The following UGGT1 variants were observed in gnomAD, a reference collection of about 807,000 sequenced individuals.
UGGT1 encodes UDP-glucose:glycoprotein glucosyltransferase 1.
A neutral mutation model predicts 203.9 loss-of-function variants in UGGT1; 107 were observed. The ratio of observed to expected loss-of-function variants is 0.52; its 90% confidence interval spans 0.45 to 0.62. The LOEUF is 0.62. Ranked by LOEUF, UGGT1 falls within the 20% of genes least tolerant of loss-of-function variation. UGGT1 has a pLI of 0.00. For synonymous variants in UGGT1, 628 were observed against 653.5 expected (o/e 0.96, Z 0.59); for missense variants, 1,673 against 1,867.2 (o/e 0.90, Z 1.92).
chr2:128,160,738 C>T (rs1690485755), intron 24 of UGGT1, 147 bp downstream of exon 24: 5 of 1,223,464 alleles, frequency 4.1e-6, no homozygotes, highest in Non-Finnish European at 5.5e-6. Context: ...GTTTCTGCCT[C>T]CTATTTCCAA....
At chr2:128,096,685 A>G (rs12612556) in intron 1 of UGGT1, among the ~76,000 whole-genome samples, 88,020 of 152,090 alleles carry the variant, frequency 0.58, 25,689 homozygotes, top group East Asian at 0.66. Context: ...ATAAGTTGAC[A>G]TTACGAGGTA....
At chr2:128,173,747 G>A in intron 29 of UGGT1, 34 bp from the exon 30 acceptor site, 2 of 1,608,382 alleles carry the variant, frequency 1.2e-6, no homozygotes, top group Non-Finnish European at 1.7e-6. Context: ...TGTTGTCTCT[G>A]AGTGCATTCA....
chr2:128,097,659 T>A, intron 2 of UGGT1, 95 bp downstream of exon 2: 1 of 1,463,518 alleles, frequency 6.8e-7, no homozygotes, highest in African/African-American at 1.4e-5. Flanking sequence ...GAGATTATCA[T>A]CAAATGCATT....
chr2:128,170,494 A>C, intron 27 of UGGT1, 104 bp downstream of exon 27: 1 of 902,692 alleles, frequency 1.1e-6, no homozygotes, highest in Non-Finnish European at 1.8e-6. Flanking sequence ...TTCAACAGGC[A>C]CTGGACAATG....
At chr2:128,169,344 C>T (rs1186839974) in intron 26 of UGGT1, among the ~76,000 whole-genome samples, 1 of 152,170 alleles carries the variant, frequency 6.6e-6, no homozygotes, top group African/African-American at 2.4e-5. Context: ...GCACTCCAGC[C>T]TGGGCCACAG....
At chr2:128,108,850 GC>G (rs1464998271) in intron 4 of UGGT1, among the ~76,000 whole-genome samples, 1 of 152,028 alleles carries the variant, frequency 6.6e-6, no homozygotes, top group Non-Finnish European at 1.5e-5. Flanking sequence ...GGAATCACTT[GC>G]TTGTTACTGT....
In UGGT1 at chr2:128,158,341, C is replaced by T. The variant is rs185018289; in HGVS notation, c.2355+995C>T. Among the ~76,000 whole-genome samples the T allele has an allele frequency of 3.9e-5, 6 of 152,302 alleles. No homozygotes were observed. In the South Asian group the frequency reaches 8.3e-4, roughly 21 times the overall value. ...CTCAGGTCAAAAAATAGAGAATTCTCAAGTTCCTGAAAGCCCTCCCACACT... is the reference window on the plus strand; with the variant it reads ...CTCAGGTCAAAAAATAGAGAATTCTTAAGTTCCTGAAAGCCCTCCCACACT... On this transcript the variant is annotated intron_variant, in intron 22 of 40. Transcript: ENST00000259253.
Position 128,157,249 on chromosome 2 carries a change from C to G in UGGT1, c.2261-3C>G, listed in dbSNP as rs1468580632. On this transcript the variant is annotated splice_polypyrimidine_tract_variant and splice_region_variant and intron_variant, in intron 21 of 40. Transcript: ENST00000259253. ...TCAATTAGCTGTTTTTGTTTTTCTACAGATGATTCTTTTATTAGGCCAGTA... is the reference window on the plus strand; with the variant it reads ...TCAATTAGCTGTTTTTGTTTTTCTAGAGATGATTCTTTTATTAGGCCAGTA... 6.2e-7 allele frequency: 1 copy of G among 1,612,566 alleles called. No homozygotes were observed. The highest frequency in any genetic ancestry group is 8.5e-7 in the Non-Finnish European group (1 of 1,178,712).
At chr2:128,095,719 G>A (rs754933161) in intron 1 of UGGT1, among the ~76,000 whole-genome samples, 5 of 152,100 alleles carry the variant, frequency 3.3e-5, no homozygotes, top group African/African-American at 7.2e-5. Flanking sequence ...GCTTCTGAAA[G>A]CCACTTTTCT....
Position 128,129,136 on chromosome 2 carries a change from C to G in UGGT1, c.1334C>G (p.Ser445Cys), listed in dbSNP as rs146104685. ...GTTTTGAAGCTGAACATCCAGCCCT[C>G]TGAGGCAGACTATGCCGTAGACATC... The part of the protein sequence containing the change: ...HNVLKLNIQP[S>C]EADYAVDIRS... The change falls in exon 13 of 41, where the codon TCT becomes TGT. Residue 445 changes from serine to cysteine, a missense_variant. Ser to Cys is a moderately radical substitution (Grantham distance 112). Transcript: ENST00000259253. 3 of 1,613,988 alleles carry G rather than the reference C, an allele frequency of 1.9e-6. No individual in the cohort carries two copies. In the East Asian group the frequency reaches 6.7e-5, roughly 36 times the overall value.
At position 128,159,634 on chromosome 2, in the gene UGGT1, G is replaced by C. The variant is rs765565927; in HGVS notation, c.2476G>C (p.Ala826Pro). The C allele has an allele frequency of 8.7e-6, 14 of 1,614,038 alleles. No homozygotes were observed. Among genetic ancestry groups the C allele is most frequent in the Non-Finnish European group, 1.2e-5 (14 of 1,180,036 alleles). ...TCTCCAAACTCAGACTTCCAACGCT[G>C]CTAAGAACTTCATCACCAAAATGGC... ...AALQTQTSNA[A>P]KNFITKMAKE... Residue 826 changes from alanine to proline, a missense_variant, in exon 23 of 41, where the codon GCT becomes CCT. By Grantham distance (27) the Ala-to-Pro change is conservative. This residue lies in a region of UGGT1 where 1,073 missense variants were observed against 1,078.7 expected (regional missense o/e 0.99). Coordinates refer to ENST00000259253, the MANE Select transcript of UGGT1 (RefSeq NM_020120.4).
chr2:128,191,079 A>C lies in UGGT1; in HGVS notation c.*1337A>C, dbSNP rs1692242084. 6.6e-6 allele frequency: 1 copy of C among 152,290 alleles called. No homozygotes were observed. Among genetic ancestry groups the C allele is most frequent in the Non-Finnish European group, 1.5e-5 (1 of 68,076 alleles). 9.4% of individuals were successfully genotyped at this position (152,290 alleles called of 1,614,324 possible). On this transcript the variant is annotated 3_prime_UTR_variant, in exon 41 of 41. Coordinates refer to ENST00000259253, the MANE Select transcript of UGGT1 (RefSeq NM_020120.4). ...CATCCGACTCCATCTGCCAGGCTGC[A>C]GGGCACAGCAGCACTGGCATAGACA...
rs1414442861 is a variant in UGGT1 at position 128,177,706 on chromosome 2, G to T, written c.3625-126G>T. The T allele has an allele frequency of 2.9e-5, 21 of 724,342 alleles. No homozygotes were observed. The South Asian group carries it at 4.8e-4, about 16-fold the overall frequency. The allele number at this position is 724,342 out of a possible 1,614,324, so 44.9% of individuals were successfully genotyped here. A position where few individuals can be genotyped will look rare whatever the true frequency, so the allele number is the denominator to read the frequency against. On this transcript the variant is annotated intron_variant, in intron 32 of 40. Transcript: ENST00000259253. ...CCTTCTAGACTCTGGGTGGGGTTGT[G>T]CCTGTTTGTGAGAGAATTGATTGAT... is the stretch of plus-strand genomic sequence containing the variant.
chr2:128,182,698 CA>C (rs70988612), intron 37 of UGGT1, among the ~76,000 whole-genome samples: 13 of 118,292 alleles, frequency 1.1e-4, no homozygotes, highest in Non-Finnish European at 1.2e-4. Context: ...GATTCCATCT[CA>C]AAAAAAAAAA....
intron 5 of UGGT1, among the ~76,000 whole-genome samples, chr2:128,109,950 C>T (rs1250157967): frequency 1.3e-5 from 2 of 152,152 alleles, no homozygotes; most frequent in East Asian, 3.8e-4. Flanking sequence ...ACTTTCTTTC[C>T]TAATCTCATT....
rs1573650639 is a variant in UGGT1 at position 128,193,144 on chromosome 2, T to A, written c.*3402T>A. On this transcript the variant is annotated 3_prime_UTR_variant, in exon 41 of 41. Coordinates refer to ENST00000259253, the MANE Select transcript of UGGT1 (RefSeq NM_020120.4). ...GTGAGCCGAGATCATGCCACTGCAC[T>A]CCAGCCTGGCAATAGAGCGAGACTC... 2 of 107,040 alleles carry A rather than the reference T, an allele frequency of 1.9e-5. No homozygotes were observed. The allele number at this position is 107,040 out of a possible 1,614,324, so 6.6% of individuals were successfully genotyped here.
intron 24 of UGGT1, among the ~76,000 whole-genome samples, 175 bp downstream of exon 24, chr2:128,160,766 C>T (rs1690488276): frequency 6.6e-6 from 1 of 152,208 alleles, no homozygotes; most frequent in Non-Finnish European, 1.5e-5. Context: ...TGCTTTTTGA[C>T]ATAGACAAAT....
At chr2:128,176,927 G>T in intron 32 of UGGT1, 29 bp downstream of exon 32, 1 of 1,583,170 alleles carries the variant, frequency 6.3e-7, no homozygotes, top group Non-Finnish European at 8.7e-7. Flanking sequence ...GTGGCATTCT[G>T]TTATTGGACA....
chr2:128,137,000 A>G (rs1481732004), intron 15 of UGGT1, among the ~76,000 whole-genome samples: 1 of 152,098 alleles, frequency 6.6e-6, no homozygotes, highest in Non-Finnish European at 1.5e-5. Flanking sequence ...ACCTATCTGT[A>G]TATCTTGTTT....
Sources: gnomAD v4.1 joint callset for allele counts (sites outside exome capture counted in the v4.1 genomes callset) on GRCh38, gnomAD v4.1.1 for gene constraint, gnomAD v4.1.1 regional missense constraint, MANE v1.5 for transcripts, NCBI Gene and HGNC (gene_info 2026-07-23, HGNC 2026-07-21) for gene names.